ZNF420: variants seen among roughly 807,000 people sequenced by gnomAD.
ZNF420 encodes ATM and p53-associated KZNF protein.
ZNF420 carries 31 observed loss-of-function variants against 44.7 expected under a neutral mutation model. That is an observed-to-expected ratio of 0.69 (90% CI 0.52 to 0.94). The LOEUF is 0.94. Among genes scored for constraint, ZNF420 ranks in the 40% least tolerant of loss-of-function variants. The probability of loss-of-function intolerance (pLI) is 0.00; values close to 1 mark genes in which losing one functional copy is unlikely to be tolerated. For missense variants in ZNF420, 681 were observed against 827.9 expected, an observed-to-expected ratio of 0.82 and a Z score of 2.18; for synonymous variants, 245 against 267.4, an observed-to-expected ratio of 0.92 and a Z score of 0.82.
At chr19:37,126,778 A>G (rs996720822) in intron 4 of ZNF420, among the ~76,000 whole-genome samples, 1 of 152,044 alleles carries the variant, frequency 6.6e-6, no homozygotes, top group Non-Finnish European at 1.5e-5. Context: ...CCTTTCATAT[A>G]TTAATATATG....
chr19:37,049,126 T>C (rs1599616600), intron 1 of ZNF420, among the ~76,000 whole-genome samples: 1 of 151,320 alleles, frequency 6.6e-6, no homozygotes, highest in Admixed American at 6.6e-5. Flanking sequence ...TTGTTGGACA[T>C]TTGGGTTGGT....
intron 1 of ZNF420, among the ~76,000 whole-genome samples, chr19:37,018,578 G>C (rs1391216021): frequency 6.6e-6 from 1 of 152,096 alleles, no homozygotes; most frequent in Non-Finnish European, 1.5e-5. Context: ...TTTTTTGTTT[G>C]TTTGTTTTTT....
intron 1 of ZNF420, among the ~76,000 whole-genome samples, chr19:37,065,961 A>G (rs925568465): frequency 3.9e-5 from 6 of 152,228 alleles, no homozygotes; most frequent in African/African-American, 1.4e-4. Flanking sequence ...TAAATCCTAG[A>G]ACTAATATAA....
intron 1 of ZNF420, among the ~76,000 whole-genome samples, chr19:37,021,054 A>G (rs981837473): frequency 6.6e-6 from 1 of 152,188 alleles, no homozygotes; most frequent in African/African-American, 2.4e-5. Flanking sequence ...GTATTTCACA[A>G]TTTTTAAAAA....
At chr19:37,031,272 T>C (rs1271573564) in intron 1 of ZNF420, among the ~76,000 whole-genome samples, 1 of 152,200 alleles carries the variant, frequency 6.6e-6, no homozygotes, top group Non-Finnish European at 1.5e-5. Context: ...TCATTCTTAT[T>C]GTGAAATTTG....
At chr19:37,014,487 C>T (rs1936312824) in intron 1 of ZNF420, among the ~76,000 whole-genome samples, 2 of 152,190 alleles carry the variant, frequency 1.3e-5, no homozygotes. Context: ...GCGCCTCCTC[C>T]TCCACCGGGA....
At chr19:37,052,338 A>G (rs1048262870) in intron 1 of ZNF420, among the ~76,000 whole-genome samples, 4 of 151,876 alleles carry the variant, frequency 2.6e-5, no homozygotes, top group African/African-American at 9.7e-5. Context: ...GTGTCTTTTA[A>G]TTGGAGCATT....
At chr19:37,020,059 T>G (rs2074636167) in intron 1 of ZNF420, among the ~76,000 whole-genome samples, 1 of 151,442 alleles carries the variant, frequency 6.6e-6, no homozygotes, top group Non-Finnish European at 1.5e-5. Flanking sequence ...CTACTAAAAA[T>G]ACAAAAAATG....
At chr19:37,125,953 G>A (rs1353841334) in intron 4 of ZNF420, among the ~76,000 whole-genome samples, 1 of 152,118 alleles carries the variant, frequency 6.6e-6, no homozygotes, top group African/African-American at 2.4e-5. Context: ...TTGTTGCCCA[G>A]CCCTGTGACA....
intron 2 of ZNF420, among the ~76,000 whole-genome samples, chr19:37,084,289 G>A (rs1968633890): frequency 6.6e-6 from 1 of 152,036 alleles, no homozygotes; most frequent in African/African-American, 2.4e-5. Flanking sequence ...TCCTTTATAT[G>A]TTTAACCTTC....
intron 1 of ZNF420, among the ~76,000 whole-genome samples, chr19:37,016,594 C>T (rs2074610540): frequency 6.6e-6 from 1 of 152,118 alleles, no homozygotes. Context: ...GACACACTCT[C>T]AACCTTATCT....
intron 3 of ZNF420, among the ~76,000 whole-genome samples, chr19:37,089,605 C>T (rs1969022714): frequency 6.6e-6 from 1 of 152,168 alleles, no homozygotes; most frequent in Non-Finnish European, 1.5e-5. Flanking sequence ...TCCCCAGGAA[C>T]ATATAATTTA....
intron 1 of ZNF420, among the ~76,000 whole-genome samples, chr19:37,039,409 C>A (rs1032865513): frequency 6.6e-6 from 1 of 152,220 alleles, no homozygotes; most frequent in African/African-American, 2.4e-5. Flanking sequence ...AAACAGCATT[C>A]ATTTCCCTGT....
chr19:37,122,098 C>T (rs1599722359), intron 4 of ZNF420, among the ~76,000 whole-genome samples: 3 of 152,172 alleles, frequency 2.0e-5, no homozygotes, highest in Non-Finnish European at 2.9e-5. Flanking sequence ...TTTGACCCAG[C>T]CATCCCATTA....
chr19:37,118,981 T>A (rs985648783), intron 4 of ZNF420, among the ~76,000 whole-genome samples: 5 of 151,980 alleles, frequency 3.3e-5, no homozygotes, highest in Non-Finnish European at 7.4e-5. Flanking sequence ...AAGTCCTGAG[T>A]GACCTACAAA....
intron 1 of ZNF420, among the ~76,000 whole-genome samples, chr19:37,013,618 C>T (rs1020915203): frequency 6.6e-6 from 1 of 152,188 alleles, no homozygotes; most frequent in Non-Finnish European, 1.5e-5. Context: ...TTTTGGATCC[C>T]ACCCATTGAG....
In ZNF420 at chr19:37,083,363, T is replaced by C. The variant is rs1350344559; in HGVS notation, c.-81+2975T>C. Among the ~76,000 whole-genome samples the C allele has an allele frequency of 2.0e-5, 3 of 152,170 alleles. No homozygotes were observed. In the East Asian group the frequency reaches 5.8e-4, roughly 29 times the overall value. ...TTCTGCATTTATTAGCTGGACTATATCTATAAAGGGAGCCATCCTTTCTCA... is the reference window on the plus strand; with the variant it reads ...TTCTGCATTTATTAGCTGGACTATACCTATAAAGGGAGCCATCCTTTCTCA... On this transcript the variant is annotated intron_variant, in intron 2 of 4. Transcript: ENST00000337995.
At chr19:37,096,256 C>G (rs1027677730) in intron 4 of ZNF420, 1 of 150,436 alleles carries the variant, frequency 6.6e-6, no homozygotes, top group Non-Finnish European at 1.5e-5. Context: ...TCATCCCTTT[C>G]TCATGGTTTT....
intron 4 of ZNF420, among the ~76,000 whole-genome samples, chr19:37,103,677 T>G (rs565653040): frequency 1.3e-5 from 2 of 152,336 alleles, no homozygotes; most frequent in East Asian, 3.9e-4. Flanking sequence ...TGCCTTTACT[T>G]AAGCCCAGTA....
Sources: allele counts gnomAD v4.1 joint callset (sites outside exome capture counted in the v4.1 genomes callset), GRCh38; gene constraint gnomAD v4.1.1; transcripts MANE v1.5; gene names NCBI Gene and HGNC (gene_info 2026-07-23, HGNC 2026-07-21).